Variants in LRRC37A2 observed in about 807,000 individuals in gnomAD.
LRRC37A2 encodes the protein leucine rich repeat containing 37 member A2.
Under a neutral mutation model 68.8 loss-of-function variants are expected in LRRC37A2, and 9 were observed. The observed-to-expected ratio is 0.13, with a 90% CI of 0.08 to 0.23. The LOEUF (loss-of-function observed/expected upper bound fraction) is 0.23, where lower values mean the gene tolerates loss of function less well. LRRC37A2 is among the 10% of genes least tolerant of loss of function. The pLI is 1.00. For synonymous variants in LRRC37A2, 63 were observed against 367.6 expected (o/e 0.17, Z 9.48); for missense variants, 168 against 950.4 (o/e 0.18, Z 10.82).
At chr17:46,403,416 G>T in the LRRC37A2 span, among the ~76,000 whole-genome samples, 1 of 48,596 alleles carries the variant, frequency 2.1e-5, no homozygotes, top group African/African-American at 8.1e-5. Flanking sequence ...AAATTAGTCA[G>T]AAGTGGTGGT....
chr17:46,772,181 G>A, the LRRC37A2 span, among the ~76,000 whole-genome samples: 1 of 152,180 alleles, frequency 6.6e-6, no homozygotes, highest in Non-Finnish European at 1.5e-5. Context: ...GGGCGCGTAT[G>A]CGCTCGCGGC....
the LRRC37A2 span, among the ~76,000 whole-genome samples, chr17:46,491,248 C>G: frequency 1.3e-5 from 2 of 150,988 alleles, no homozygotes; most frequent in African/African-American, 5.0e-5. Flanking sequence ...AATTTATTTG[C>G]TAAATATTTT....
the LRRC37A2 span, among the ~76,000 whole-genome samples, chr17:46,746,804 A>G: frequency 6.6e-6 from 1 of 152,210 alleles, no homozygotes; most frequent in Non-Finnish European, 1.5e-5. Flanking sequence ...TGTGAGATTC[A>G]ATAGCTTCAT....
chr17:46,936,556 C>G, the LRRC37A2 span: 2 of 985,564 alleles, frequency 2.0e-6, no homozygotes, highest in East Asian at 1.1e-4. Flanking sequence ...TCCACCTACA[C>G]CATTCAAAAG....
the LRRC37A2 span, among the ~76,000 whole-genome samples, chr17:46,745,042 CT>C: frequency 0.99 from 149,300 of 150,428 alleles, 74,095 homozygotes; most frequent in Middle Eastern, 1. Flanking sequence ...TCACTCTGTG[CT>C]TTTTTTTTTG....
the LRRC37A2 span, among the ~76,000 whole-genome samples, chr17:46,703,639 C>T: frequency 5.5e-5 from 8 of 145,118 alleles, no homozygotes; most frequent in Admixed American, 4.2e-4. Context: ...CGAGATCGCG[C>T]CACTGCACTC....
chr17:46,787,693 C>T, the LRRC37A2 span, among the ~76,000 whole-genome samples: 2 of 152,220 alleles, frequency 1.3e-5, no homozygotes, highest in Admixed American at 6.5e-5. Flanking sequence ...GTGGCTCACG[C>T]CTGTATTCCC....
the LRRC37A2 span, among the ~76,000 whole-genome samples, chr17:47,032,986 G>A: frequency 6.6e-6 from 1 of 152,116 alleles, no homozygotes; most frequent in Non-Finnish European, 1.5e-5. Context: ...GGAGGCCAAG[G>A]TGGGTGCATC....
the LRRC37A2 span, among the ~76,000 whole-genome samples, chr17:46,837,221 G>A: frequency 1.3e-5 from 2 of 152,270 alleles, no homozygotes; most frequent in African/African-American, 2.4e-5. Flanking sequence ...GATTACAGGC[G>A]TGAGCCACCG....
At chr17:46,870,900 T>C in the LRRC37A2 span, among the ~76,000 whole-genome samples, 1 of 142,502 alleles carries the variant, frequency 7.0e-6, no homozygotes, top group Non-Finnish European at 1.5e-5. Flanking sequence ...TGCTTCCACC[T>C]TTGCTTTTTT....
chr17:46,983,444 G>A, the LRRC37A2 span, among the ~76,000 whole-genome samples: 14 of 151,972 alleles, frequency 9.2e-5, no homozygotes, highest in Admixed American at 5.2e-4. Flanking sequence ...ACAGGTGTCC[G>A]CCACCATGCC....
the LRRC37A2 span, among the ~76,000 whole-genome samples, chr17:46,802,539 A>T: frequency 6.6e-6 from 1 of 152,140 alleles, no homozygotes; most frequent in Admixed American, 6.5e-5. Flanking sequence ...AAGTGCTGGG[A>T]TTACAGGTGT....
the LRRC37A2 span, among the ~76,000 whole-genome samples, chr17:46,920,437 A>AATAATTTT: frequency 1.3e-5 from 2 of 152,202 alleles, no homozygotes; most frequent in South Asian, 4.1e-4. Flanking sequence ...AAGTGAAAAA[A>AATAATTTT]ATAATTTTAG....
the LRRC37A2 span, among the ~76,000 whole-genome samples, chr17:46,390,056 G>T: frequency 6.7e-6 from 1 of 150,252 alleles, no homozygotes; most frequent in African/African-American, 2.4e-5. Context: ...GAAGCTGGAA[G>T]TTTGGGACCG....
the LRRC37A2 span, among the ~76,000 whole-genome samples, chr17:46,962,256 G>GA: frequency 6.6e-6 from 1 of 151,946 alleles, no homozygotes; most frequent in Non-Finnish European, 1.5e-5. Context: ...TTGAACCCGG[G>GA]AGGTGGAGGT....
chr17:46,690,648 A>T, the LRRC37A2 span, among the ~76,000 whole-genome samples: 1 of 119,224 alleles, frequency 8.4e-6, no homozygotes, highest in Non-Finnish European at 1.8e-5. Flanking sequence ...TATATTGTAT[A>T]GGGATGGGAA....
At chr17:47,024,052 T>C in the LRRC37A2 span, among the ~76,000 whole-genome samples, 14 of 152,312 alleles carry the variant, frequency 9.2e-5, no homozygotes, top group East Asian at 2.1e-3. Context: ...GTATCTGCTT[T>C]ATAATTATTA....
the LRRC37A2 span, among the ~76,000 whole-genome samples, chr17:47,039,084 A>G: frequency 6.6e-6 from 1 of 151,288 alleles, no homozygotes; most frequent in Non-Finnish European, 1.5e-5. Flanking sequence ...TTATTTATCT[A>G]GAATATCTTA....
chr17:46,718,818 T>C, the LRRC37A2 span, among the ~76,000 whole-genome samples: 1 of 152,230 alleles, frequency 6.6e-6, no homozygotes, highest in Admixed American at 6.5e-5. Context: ...GGATATAATA[T>C]GAAATCAATG....
Sources: gnomAD v4.1 joint callset for allele counts (sites outside exome capture counted in the v4.1 genomes callset) on GRCh38, gnomAD v4.1.1 for gene constraint, MANE v1.5 for transcripts, NCBI Gene and HGNC (gene_info 2026-07-23, HGNC 2026-07-21) for gene names.